IL15: variants seen among roughly 807,000 people sequenced by gnomAD.
IL15 encodes the protein interleukin 15, also known as interleukin-15.
A neutral mutation model predicts 19.6 loss-of-function variants in IL15; 11 were observed. That is an observed-to-expected ratio of 0.56 (90% CI 0.35 to 0.93). The LOEUF is 0.93. IL15 is among the 40% of genes least tolerant of loss of function. The pLI is 0.01. For missense variants in IL15, 197 were observed against 186.5 expected, an observed-to-expected ratio of 1.06 and a Z score of -0.33; for synonymous variants, 58 against 59.6, an observed-to-expected ratio of 0.97 and a Z score of 0.12.
At chr4:141,702,000 A>C (rs565616304) in intron 2 of IL15, among the ~76,000 whole-genome samples, 9 of 152,322 alleles carry the variant, frequency 5.9e-5, no homozygotes, top group African/African-American at 2.2e-4. Context: ...CTATAGACGC[A>C]TATACACTGC....
intron 2 of IL15, among the ~76,000 whole-genome samples, chr4:141,666,235 G>T (rs1435627134): frequency 6.6e-6 from 1 of 152,074 alleles, no homozygotes; most frequent in Non-Finnish European, 1.5e-5. Context: ...CGAGTAGCTG[G>T]GACTACAGGC....
In IL15 at chr4:141,721,974, TAA is replaced by T; in HGVS notation, c.162_163del (p.Ile54MetfsTer2). 7 of 1,594,014 alleles carry T rather than the reference TAA, an allele frequency of 4.4e-6. No individual in the cohort carries two copies. Among genetic ancestry groups the T allele is most frequent in the Non-Finnish European group, 6.0e-6 (7 of 1,164,928 alleles). On this transcript the variant is annotated frameshift_variant, in exon 5 of 8. Coordinates refer to ENST00000320650, the MANE Select transcript of IL15 (RefSeq NM_000585.5). LOFTEE classifies it high-confidence loss of function. The stretch of plus-strand genomic sequence containing the variant: ...ACAGAAGCCAACTGGGTGAATGTAA[TAA>T]GTGATTTGAAAAAAATTGAAGATCT...
chr4:141,654,239 C>A lies in IL15; in HGVS notation c.-221-1947C>A, dbSNP rs559947610. Among the ~76,000 whole-genome samples the A allele has an allele frequency of 1.6e-3, 242 of 152,214 alleles. 2 individuals carry two copies. Among genetic ancestry groups the A allele is most frequent in the African/African-American group, 5.6e-3 (234 of 41,526 alleles). On this transcript the variant is annotated intron_variant, in intron 1 of 7. Transcript: ENST00000320650. Reference sequence around the variant, plus strand: ...AGGGAGCCCTCTAGAGGCAGGATGGCCCTTTGGGGATGTTACAGCTCTGGA... The same window carrying A: ...AGGGAGCCCTCTAGAGGCAGGATGGACCTTTGGGGATGTTACAGCTCTGGA...
intron 1 of IL15, among the ~76,000 whole-genome samples, chr4:141,652,003 A>G (rs913930578): frequency 6.6e-6 from 1 of 152,116 alleles, no homozygotes; most frequent in African/African-American, 2.4e-5. Context: ...AAAGATTGTG[A>G]CAAATCTGTA....
intron 2 of IL15, among the ~76,000 whole-genome samples, chr4:141,672,285 T>G (rs1444861715): frequency 6.6e-6 from 1 of 152,226 alleles, no homozygotes; most frequent in Non-Finnish European, 1.5e-5. Context: ...AATTTTTACT[T>G]TACTGCTTAA....
Position 141,732,977 on chromosome 4 carries a change from C to A in IL15, c.*129C>A. On this transcript the variant is annotated 3_prime_UTR_variant, in exon 8 of 8. Coordinates refer to ENST00000320650, the MANE Select transcript of IL15 (RefSeq NM_000585.5). ...TTTTTCTGTCAAGAAGATGATCAGA[C>A]CTTGGATCAGATGAACTCTTAGAAA... The A allele has an allele frequency of 7.2e-7, 1 of 1,385,812 alleles. No individual in the cohort carries two copies. The highest frequency in any genetic ancestry group is 9.5e-7 in the Non-Finnish European group (1 of 1,055,160). The allele number at this position is 1,385,812 out of a possible 1,614,324, so 85.8% of individuals were successfully genotyped here.
chr4:141,718,119 T>C (rs1729952352), intron 2 of IL15: 1 of 152,168 alleles, frequency 6.6e-6, no homozygotes, highest in African/African-American at 2.4e-5. Flanking sequence ...CAGCAGGATG[T>C]AGTTGAGCAG....
chr4:141,667,757 G>T (rs1465820753), intron 2 of IL15, among the ~76,000 whole-genome samples: 1 of 152,038 alleles, frequency 6.6e-6, no homozygotes, highest in Non-Finnish European at 1.5e-5. Flanking sequence ...ATAATGTGAG[G>T]TAATGCGGGG....
At chr4:141,718,267 T>C (rs577408680) in intron 2 of IL15, 1 of 149,476 alleles carries the variant, frequency 6.7e-6, no homozygotes, top group Admixed American at 7.1e-5. Context: ...CAATCCCAAG[T>C]CAATATTTTT....
At chr4:141,656,142 T>C (rs1727586830) in intron 1 of IL15, 44 bp from the exon 2 acceptor site, 1 of 397,928 alleles carries the variant, frequency 2.5e-6, no homozygotes, top group Non-Finnish European at 4.4e-6. Flanking sequence ...GATTACTCAA[T>C]ACATAATTAT....
intron 5 of IL15, among the ~76,000 whole-genome samples, chr4:141,725,589 C>T (rs768916759): frequency 6.6e-6 from 1 of 152,112 alleles, no homozygotes; most frequent in Non-Finnish European, 1.5e-5. Flanking sequence ...TATAGCAGCC[C>T]TAGCAGACTG....
At position 141,669,786 on chromosome 4, in the gene IL15, T is replaced by C. The variant is rs985176398; in HGVS notation, c.-100+13479T>C. 1.4e-3 allele frequency among the ~76,000 whole-genome samples: 217 copies of C among 151,940 alleles called. 4 individuals are homozygous for C. The highest frequency in any genetic ancestry group is 5.1e-3 in the African/African-American group (210 of 41,484). Reference sequence around the variant, plus strand: ...CATCTTATTCTTTGTATTTTTTTTTTTTTAACTATTCTTTTAATATATATT... The same window carrying C: ...CATCTTATTCTTTGTATTTTTTTTTCTTTAACTATTCTTTTAATATATATT... On this transcript the variant is annotated intron_variant, in intron 2 of 7. Transcript: ENST00000320650.
At chr4:141,641,069 C>A (rs985864247) in intron 1 of IL15, among the ~76,000 whole-genome samples, 1 of 152,074 alleles carries the variant, frequency 6.6e-6, no homozygotes, top group African/African-American at 2.4e-5. Flanking sequence ...TGCTTATGTG[C>A]CTTCTAATAG....
chr4:141,717,732 C>T (rs1729933312), intron 2 of IL15: 1 of 151,720 alleles, frequency 6.6e-6, no homozygotes, highest in Non-Finnish European at 1.5e-5. Context: ...ATGATCTCGG[C>T]TCACCACAAC....
intron 2 of IL15, among the ~76,000 whole-genome samples, chr4:141,692,174 G>A (rs933638266): frequency 6.6e-6 from 1 of 152,226 alleles, no homozygotes; most frequent in Admixed American, 6.5e-5. Flanking sequence ...GCCACAGCTG[G>A]AGCTGGAGTG....
At position 141,643,688 on chromosome 4, in the gene IL15, A is replaced by G. The variant is rs116271338; in HGVS notation, c.-222+6940A>G. On this transcript the variant is annotated intron_variant, in intron 1 of 7. Transcript: ENST00000320650. ...CCTAATTTCCCTAACATGTAAATAT[A>G]GCTGTCTGAGGGCTCAGTCCTTAGG... 9.7e-3 allele frequency among the ~76,000 whole-genome samples: 1,475 copies of G among 152,130 alleles called. 23 individuals carry two copies. Among genetic ancestry groups the G allele is most frequent in the African/African-American group, 0.034 (1,418 of 41,504 alleles).
chr4:141,728,054 C>A, intron 6 of IL15, 70 bp downstream of exon 6: 1 of 741,834 alleles, frequency 1.3e-6, no homozygotes, highest in Non-Finnish European at 2.3e-6. Context: ...ATTTTTGTAA[C>A]AACTAAAATA....
intron 2 of IL15, among the ~76,000 whole-genome samples, chr4:141,693,078 G>C (rs956369583): frequency 6.2e-5 from 8 of 129,564 alleles, no homozygotes; most frequent in Non-Finnish European, 1.1e-4. Context: ...ATAAATCAAA[G>C]AGGTTTAACT....
rs189816843 is a variant in IL15 at position 141,712,512 on chromosome 4, C to T, written c.-99-6854C>T. On this transcript the variant is annotated intron_variant, in intron 2 of 7. Coordinates refer to ENST00000320650, the MANE Select transcript of IL15 (RefSeq NM_000585.5). ...AGTGGTAAGAGATCTACCATATATCCCCTCCAGCTACATAAATGAATATCC... is the reference window on the plus strand; with the variant it reads ...AGTGGTAAGAGATCTACCATATATCTCCTCCAGCTACATAAATGAATATCC... 2.0e-3 allele frequency among the ~76,000 whole-genome samples: 299 copies of T among 151,520 alleles called. 1 individual carries two copies. Among genetic ancestry groups the T allele is most frequent in the African/African-American group, 7.0e-3 (290 of 41,378 alleles).
Sources: gnomAD v4.1 joint callset for allele counts (sites outside exome capture counted in the v4.1 genomes callset) on GRCh38, gnomAD v4.1.1 for gene constraint, MANE v1.5 for transcripts, NCBI Gene and HGNC (gene_info 2026-07-23, HGNC 2026-07-21) for gene names.